Variants in CNTNAP5 observed in about 807,000 individuals in gnomAD.
CNTNAP5 encodes contactin associated protein family member 5, also known as contactin-associated protein-like 5.
CNTNAP5 carries 72 observed loss-of-function variants against 150.2 expected under a neutral mutation model. The observed-to-expected ratio is 0.48, with a 90% CI of 0.40 to 0.58. The LOEUF (loss-of-function observed/expected upper bound fraction) is 0.58, where lower values mean the gene tolerates loss of function less well. Among genes scored for constraint, CNTNAP5 ranks in the 20% least tolerant of loss-of-function variants. The pLI is 0.00. For missense variants in CNTNAP5, 1,636 were observed against 1,626.2 expected (o/e 1.01, Z -0.10); for synonymous variants, 672 against 619.8 (o/e 1.08, Z -1.25).
intron 3 of CNTNAP5, among the ~76,000 whole-genome samples, chr2:124,352,375 A>T (rs886473221): frequency 5.3e-5 from 8 of 152,190 alleles, no homozygotes; most frequent in Admixed American, 3.3e-4. Flanking sequence ...CAACCATTTC[A>T]CACACATAGA....
intron 3 of CNTNAP5, among the ~76,000 whole-genome samples, chr2:124,353,286 C>CAAAAAAAAAAAAAAAAAAAAAAAA (rs565907115): frequency 6.8e-5 from 6 of 88,256 alleles, no homozygotes; most frequent in East Asian, 4.0e-4. Flanking sequence ...AAAAACAGAC[C>CAAAAAAAAAAAAAAAAAAAAAAAA]AAAAAAAAAA....
chr2:124,865,763 G>A (rs1677618512), intron 20 of CNTNAP5, among the ~76,000 whole-genome samples: 2 of 152,002 alleles, frequency 1.3e-5, no homozygotes, highest in African/African-American at 4.8e-5. Flanking sequence ...GGCCAAAATA[G>A]TGAAACCCCA....
At chr2:124,204,592 G>C (rs1685815119) in intron 1 of CNTNAP5, among the ~76,000 whole-genome samples, 1 of 152,310 alleles carries the variant, frequency 6.6e-6, no homozygotes, top group Non-Finnish European at 1.5e-5. Context: ...GAGGTTTAAT[G>C]CACTCATAGT....
intron 6 of CNTNAP5, among the ~76,000 whole-genome samples, chr2:124,455,637 C>A (rs1354865173): frequency 2.6e-5 from 4 of 152,062 alleles, no homozygotes; most frequent in Non-Finnish European, 5.9e-5. Context: ...TACCAATATC[C>A]CTGATGAACA....
At chr2:124,237,086 G>A (rs771757504) in intron 2 of CNTNAP5, among the ~76,000 whole-genome samples, 7 of 152,064 alleles carry the variant, frequency 4.6e-5, no homozygotes, top group East Asian at 1.9e-4. Context: ...CCGAAATCAC[G>A]CCATTGCACT....
At chr2:124,752,193 AG>A (rs935138702) in intron 14 of CNTNAP5, among the ~76,000 whole-genome samples, 16 of 152,098 alleles carry the variant, frequency 1.1e-4, no homozygotes, top group Non-Finnish European at 2.2e-4. Context: ...GCATCTTCTA[AG>A]CCTCTGGTGA....
chr2:124,362,172 G>A (rs62171029), intron 3 of CNTNAP5, among the ~76,000 whole-genome samples: 9,835 of 152,264 alleles, frequency 0.065, 461 homozygotes, highest in Non-Finnish European at 0.1. Context: ...TTCGGCTGGC[G>A]CATGGTGCGC....
chr2:124,049,501 A>G (rs1436441962), intron 1 of CNTNAP5, among the ~76,000 whole-genome samples: 2 of 152,194 alleles, frequency 1.3e-5, no homozygotes, highest in Non-Finnish European at 2.9e-5. Context: ...TTAAACCATA[A>G]TAAAATTATC....
chr2:124,597,510 C>T (rs1304672245), intron 11 of CNTNAP5, among the ~76,000 whole-genome samples: 1 of 150,578 alleles, frequency 6.6e-6, no homozygotes, highest in Non-Finnish European at 1.5e-5. Context: ...GCCAAGAGAT[C>T]CGCTGTTAGT....
At chr2:124,663,713 T>A (rs940943150) in intron 13 of CNTNAP5, among the ~76,000 whole-genome samples, 2 of 152,156 alleles carry the variant, frequency 1.3e-5, no homozygotes, top group South Asian at 2.1e-4. Flanking sequence ...ATTCTCAACA[T>A]GGAGACATGA....
At chr2:124,837,172 A>G (rs1238597869) in intron 19 of CNTNAP5, among the ~76,000 whole-genome samples, 1 of 150,344 alleles carries the variant, frequency 6.7e-6, no homozygotes, top group Non-Finnish European at 1.5e-5. Context: ...TTTCCAGAGT[A>G]TGACTATCAA....
At chr2:124,121,367 G>A (rs189064486) in intron 1 of CNTNAP5, among the ~76,000 whole-genome samples, 9 of 152,270 alleles carry the variant, frequency 5.9e-5, no homozygotes, top group African/African-American at 1.7e-4. Context: ...TGGCACACAC[G>A]TGTGCATTTT....
intron 19 of CNTNAP5, among the ~76,000 whole-genome samples, chr2:124,851,794 C>A (rs921275598): frequency 4.6e-5 from 7 of 152,104 alleles, no homozygotes; most frequent in African/African-American, 9.7e-5. Flanking sequence ...GGGGGAAGGC[C>A]CACATGAAGT....
At chr2:124,332,087 A>G (rs1480437266) in intron 3 of CNTNAP5, among the ~76,000 whole-genome samples, 2 of 151,772 alleles carry the variant, frequency 1.3e-5, no homozygotes, top group South Asian at 2.1e-4. Context: ...ACTTTTTTAA[A>G]CAGATATATA....
intron 1 of CNTNAP5, among the ~76,000 whole-genome samples, chr2:124,209,686 G>A (rs1170633): frequency 0.46 from 69,569 of 152,022 alleles, 16,139 homozygotes; most frequent in East Asian, 0.6. Flanking sequence ...TGCAGTGAAA[G>A]TAGGAAAGTG....
chr2:124,760,086 A>G (rs1680927018), intron 14 of CNTNAP5, among the ~76,000 whole-genome samples: 1 of 151,832 alleles, frequency 6.6e-6, no homozygotes, highest in South Asian at 2.1e-4. Context: ...GCTTGCAGGC[A>G]TCTTACTGGC....
chr2:124,393,152 C>T (rs1010701911), intron 3 of CNTNAP5, among the ~76,000 whole-genome samples: 1 of 152,138 alleles, frequency 6.6e-6, no homozygotes, highest in African/African-American at 2.4e-5. Flanking sequence ...GCCAATTTAC[C>T]ACTGTAGATT....
At chr2:124,036,722 G>C (rs1681231467) in intron 1 of CNTNAP5, among the ~76,000 whole-genome samples, 1 of 152,112 alleles carries the variant, frequency 6.6e-6, no homozygotes, top group South Asian at 2.1e-4. Context: ...GCCAAGGTTG[G>C]TACTTGGTAA....
At chr2:124,158,100 A>T (rs2222809) in intron 1 of CNTNAP5, among the ~76,000 whole-genome samples, 15,752 of 152,236 alleles carry the variant, frequency 0.1, 941 homozygotes, top group Middle Eastern at 0.21. Flanking sequence ...TGAATTAAAC[A>T]ATCCTGGAGC....
Sources: allele counts gnomAD v4.1 joint callset (sites outside exome capture counted in the v4.1 genomes callset), GRCh38; gene constraint gnomAD v4.1.1; transcripts MANE v1.5; gene names NCBI Gene and HGNC (gene_info 2026-07-23, HGNC 2026-07-21).